The following PPEF2 variants were observed in gnomAD, a reference collection of about 807,000 sequenced individuals.
PPEF2 encodes the protein protein phosphatase with EF-hand domain 2.
Under a neutral mutation model 84.7 loss-of-function variants are expected in PPEF2, and 84 were observed. The observed-to-expected ratio is 0.99, with a 90% confidence interval of 0.83 to 1.19. The LOEUF is 1.19. PPEF2 is among the 50% of genes most tolerant of loss of function. The pLI is 0.00. For missense variants in PPEF2, 924 were observed against 937.5 expected (o/e 0.99, Z 0.19); for synonymous variants, 346 against 345.2 (o/e 1.00, Z -0.03).
In PPEF2 at chr4:75,882,951, AG is replaced by A. The variant is rs1248351791; in HGVS notation, c.907del (p.Leu303PhefsTer5). On this transcript the variant is annotated frameshift_variant, in exon 10 of 17. Coordinates refer to ENST00000286719, the MANE Select transcript of PPEF2 (RefSeq NM_006239.3). LOFTEE classifies it high-confidence loss of function. The stretch of plus-strand genomic sequence containing the variant: ...CTTGCTCCTCTCTATTTTGTCCAAA[AG>A]CTCCAGATCAGTTATGTCTGACACC... ...GGVSDITDLE[L>X]LDKIERSKIV... 6.2e-7 allele frequency: 1 copy of A among 1,613,466 alleles called. No individual in the cohort carries two copies. The highest frequency in any genetic ancestry group is 1.3e-5 in the African/African-American group (1 of 74,916).
chr4:75,896,888 T>G (rs977718035), intron 1 of PPEF2, among the ~76,000 whole-genome samples: 5 of 151,898 alleles, frequency 3.3e-5, no homozygotes, highest in African/African-American at 1.2e-4. Flanking sequence ...TTTCTTTCTT[T>G]CTTTCTTTTT....
chr4:75,888,501 T>C (rs1036416093), intron 5 of PPEF2, among the ~76,000 whole-genome samples, 173 bp from the exon 6 acceptor site: 1 of 152,230 alleles, frequency 6.6e-6, no homozygotes, highest in Non-Finnish European at 1.5e-5. Flanking sequence ...ACTTCTGCCC[T>C]TGTTTCTGCT....
chr4:75,860,508 C>T lies in PPEF2; in HGVS notation c.*159G>A, dbSNP rs972232100. The stretch of plus-strand genomic sequence containing the variant: ...TTAAAACACATACATACACAACACC[C>T]CAACCCACCCCTCCACACTGAAATA... On this transcript the variant is annotated 3_prime_UTR_variant, in exon 17 of 17. Coordinates refer to ENST00000286719, the MANE Select transcript of PPEF2 (RefSeq NM_006239.3). 2.1e-6 allele frequency: 2 copies of T among 952,326 alleles called. No homozygotes were observed. The highest frequency in any genetic ancestry group is 1.5e-6 in the Non-Finnish European group (1 of 652,574). The allele number at this position is 952,326 out of a possible 1,614,324, so 59.0% of individuals were successfully genotyped here. A position where few individuals can be genotyped will look rare whatever the true frequency, so the allele number is the denominator to read the frequency against.
chr4:75,878,587 G>A (rs560250802), intron 10 of PPEF2, among the ~76,000 whole-genome samples: 236 of 152,344 alleles, frequency 1.5e-3, no homozygotes, highest in Non-Finnish European at 1.9e-3. Flanking sequence ...GGACAGTCCA[G>A]AGTGAAGAGA....
In PPEF2 at chr4:75,876,672, A is replaced by G; in HGVS notation, c.935T>C (p.Ile312Thr). The G allele has an allele frequency of 1.3e-6, 2 of 1,535,352 alleles. No individual in the cohort carries two copies. Among genetic ancestry groups the G allele is most frequent in the Non-Finnish European group, 1.8e-6 (2 of 1,141,044 alleles). ...CGTTTTGCACCTCATGGTGGAAACTATCTAAACACGTCCAGAAAGAGATAC... is the reference window on the plus strand; with the variant it reads ...CGTTTTGCACCTCATGGTGGAAACTGTCTAAACACGTCCAGAAAGAGATAC... The part of the protein sequence containing the change: ...ELLDKIERSK[I>T]VSTMRCKTRQ... The change falls in exon 11 of 17, where the codon ATA (isoleucine) becomes ACA (threonine). Residue 312 changes from isoleucine (I) to threonine (T), a missense_variant and splice_region_variant. Transcript: ENST00000286719.
intron 1 of PPEF2, among the ~76,000 whole-genome samples, chr4:75,896,934 T>C (rs1725023550): frequency 6.6e-6 from 1 of 151,864 alleles, no homozygotes; most frequent in Admixed American, 6.6e-5. Flanking sequence ...CAGGCTGGAG[T>C]AGTGCAGTGG....
intron 11 of PPEF2, among the ~76,000 whole-genome samples, chr4:75,876,013 C>T (rs1318198400): frequency 6.6e-6 from 1 of 152,184 alleles, no homozygotes; most frequent in Non-Finnish European, 1.5e-5. Context: ...CACACAATAG[C>T]ATCCAACAAA....
At chr4:75,883,445 A>G (rs992086130) in intron 8 of PPEF2, 20 of 535,178 alleles carry the variant, frequency 3.7e-5, no homozygotes, top group African/African-American at 3.0e-4. Context: ...ATGAATCTCT[A>G]TTATTTATAT....
chr4:75,883,514 G>A, intron 8 of PPEF2: 1 of 313,812 alleles, frequency 3.2e-6, no homozygotes, highest in South Asian at 5.1e-5. Flanking sequence ...GTAAAATAAT[G>A]TGTAAATTAA....
chr4:75,893,499 C>CACACAG (rs1724938354), intron 2 of PPEF2, among the ~76,000 whole-genome samples: 1 of 150,002 alleles, frequency 6.7e-6, no homozygotes, highest in Non-Finnish European at 1.5e-5. Flanking sequence ...CACACACACA[C>CACACAG]ACACACACAC....
At chr4:75,887,088 A>G (rs1040867014) in intron 6 of PPEF2, among the ~76,000 whole-genome samples, 190 bp from the exon 7 acceptor site, 3 of 152,152 alleles carry the variant, frequency 2.0e-5, no homozygotes, top group Admixed American at 6.5e-5. Flanking sequence ...AAGGCATAAT[A>G]TTTTTTCTGC....
intron 13 of PPEF2, 50 bp from the exon 14 acceptor site, chr4:75,867,469 A>C (rs1437290255): frequency 7.7e-7 from 1 of 1,293,418 alleles, no homozygotes; most frequent in Non-Finnish European, 1.1e-6. Context: ...TATAGAAAAA[A>C]TACTTAGAGA....
intron 1 of PPEF2, among the ~76,000 whole-genome samples, chr4:75,900,290 G>A (rs562592133): frequency 5.9e-5 from 9 of 152,202 alleles, no homozygotes; most frequent in African/African-American, 2.2e-4. Context: ...AGAATAAGAT[G>A]ACCTACAAAG....
chr4:75,891,931 C>T lies in PPEF2; in HGVS notation c.103G>A (p.Ala35Thr). 1.9e-6 allele frequency: 3 copies of T among 1,614,088 alleles called. No individual in the cohort carries two copies. Among genetic ancestry groups the T allele is most frequent in the Non-Finnish European group, 2.5e-6 (3 of 1,179,980 alleles). The change falls in exon 3 of 17, where the codon GCC becomes ACC. Residue 35 changes from alanine (A) to threonine (T), a missense_variant. By Grantham distance (58) the Ala-to-Thr change is moderately conservative (BLOSUM62 0). Coordinates refer to ENST00000286719, the MANE Select transcript of PPEF2 (RefSeq NM_006239.3). Reference sequence around the variant, plus strand: ...CAACGCCGCCTCATCTCCAGGCGGGCCACGTAGCGCCGGTACCATCTCTGG... The same window carrying T: ...CAACGCCGCCTCATCTCCAGGCGGGTCACGTAGCGCCGGTACCATCTCTGG... ...LIQRWYRRYV[A>T]RLEMRRRCTW...
chr4:75,890,485 T>C (rs1724851183), intron 4 of PPEF2, among the ~76,000 whole-genome samples: 2 of 37,090 alleles, frequency 5.4e-5, no homozygotes, highest in African/African-American at 6.0e-5. Context: ...TGAGACCCTG[T>C]CTCAAAAAAA....
chr4:75,888,276 A>T lies in PPEF2; in HGVS notation c.470T>A (p.Leu157Gln). 6.2e-7 allele frequency: 1 copy of T among 1,614,058 alleles called. No individual in the cohort carries two copies. Among genetic ancestry groups the T allele is most frequent in the Non-Finnish European group, 8.5e-7 (1 of 1,179,966 alleles). Residue 157 changes from leucine to glutamine, a missense_variant, in exon 6 of 17, where the codon CTG (leucine) becomes CAG (glutamine). By Grantham distance (113) the Leu-to-Gln change is moderately radical. Coordinates refer to ENST00000286719, the MANE Select transcript of PPEF2 (RefSeq NM_006239.3). ...CCGGTTGATGTTTGGCAGCTGTACC[A>T]GATGTTTCTTGGTTTCATACAAAAG... ...LNLLYETKKH[L>Q]VQLPNINRVS...
At chr4:75,895,127 A>ATTTTTT (rs34515110) in intron 2 of PPEF2, among the ~76,000 whole-genome samples, 3 of 129,264 alleles carry the variant, frequency 2.3e-5, no homozygotes, top group Admixed American at 8.1e-5. Flanking sequence ...CAGCTAATTA[A>ATTTTTT]TTTTTTTTTT....
Position 75,884,658 on chromosome 4 carries a change from G to T in PPEF2, c.682C>A (p.Leu228Met), listed in dbSNP as rs750326860. ...EILMILFAFM[L>M]VYPKEFHLNR... Reference sequence around the variant, plus strand: ...AGATGGAACTCTTTGGGGTAAACCAGCATGAAGGCAAAAAGAATCATCAGG... The same window carrying T: ...AGATGGAACTCTTTGGGGTAAACCATCATGAAGGCAAAAAGAATCATCAGG... The change falls in exon 8 of 17, where the codon CTG (leucine) becomes ATG (methionine). Residue 228 changes from leucine (L) to methionine (M), a missense_variant. Physicochemically the swap from Leu to Met is conservative, Grantham distance 15. Transcript: ENST00000286719. 1.4e-5 allele frequency: 22 copies of T among 1,613,638 alleles called. No homozygotes were observed. The South Asian group carries it at 2.2e-4, about 16-fold the overall frequency.
chr4:75,882,863 C>T lies in PPEF2; in HGVS notation c.933+63G>A, dbSNP rs1416422802. On this transcript the variant is annotated intron_variant, in intron 10 of 16. Coordinates refer to ENST00000286719, the MANE Select transcript of PPEF2 (RefSeq NM_006239.3). ...TGACTGCAGTCAGCATGTAAGATGA[C>T]ATTTATATTGGCAATGAAACTGGGC... 43 of 1,539,786 alleles carry T rather than the reference C, an allele frequency of 2.8e-5. 1 individual carries two copies. The South Asian group carries it at 4.4e-4, about 16-fold the overall frequency.
Sources: allele counts gnomAD v4.1 joint callset (sites outside exome capture counted in the v4.1 genomes callset), GRCh38; gene constraint gnomAD v4.1.1; transcripts MANE v1.5; gene names NCBI Gene and HGNC (gene_info 2026-07-23, HGNC 2026-07-21).